NLRP7: variants seen among roughly 807,000 people sequenced by gnomAD.
The protein encoded by NLRP7 is NLR family pyrin domain containing 7.
NLRP7 carries 72 observed loss-of-function variants against 85.5 expected under a neutral mutation model. The observed-to-expected ratio is 0.84, with a 90% CI of 0.70 to 1.02. NLRP7 has a LOEUF of 1.02. Ranked by LOEUF, NLRP7 falls within the 50% of genes least tolerant of loss-of-function variation. NLRP7 has a pLI of 0.00. For missense variants in NLRP7, 1,243 were observed against 1,219.5 expected (o/e 1.02, Z -0.29); for synonymous variants, 550 against 505.2 (o/e 1.09, Z -1.19).
At chr19:54,937,971 A>G in intron 5 of NLRP7, 73 bp downstream of exon 5, 1 of 1,224,488 alleles carries the variant, frequency 8.2e-7, no homozygotes, top group Non-Finnish European at 1.2e-6. Flanking sequence ...CACATTTCCA[A>G]ATTTAAAAAA....
At chr19:54,957,633 C>T (rs2069902102) in intron 1 of NLRP7, among the ~76,000 whole-genome samples, 2 of 152,146 alleles carry the variant, frequency 1.3e-5, no homozygotes, top group African/African-American at 4.8e-5. Flanking sequence ...GCGTGAGCCA[C>T]TGCACCCTAC....
upstream of NLRP7, among the ~76,000 whole-genome samples, chr19:54,952,274 T>C (rs1339183485): frequency 2.0e-5 from 3 of 151,816 alleles, no homozygotes; most frequent in Non-Finnish European, 4.4e-5. Flanking sequence ...ATGGCCACAC[T>C]CTGGCCCACA....
chr19:54,954,625 A>T (rs927647783), intron 1 of NLRP7, among the ~76,000 whole-genome samples: 6 of 150,966 alleles, frequency 4.0e-5, no homozygotes, highest in African/African-American at 1.5e-4. Flanking sequence ...CGGGCATATC[A>T]CCTGAGCTCA....
chr19:54,934,554 C>A lies in NLRP7; in HGVS notation c.2406G>T (p.Leu802=), dbSNP rs777244411. 11 of 1,614,144 alleles carry A rather than the reference C, an allele frequency of 6.8e-6. No individual in the cohort carries two copies. The South Asian group carries it at 1.2e-4, about 18-fold the overall frequency. The stretch of plus-strand genomic sequence containing the variant: ...TGTACAGCAACATGGCACCCTCATC[C>A]AGGAGCACATTGGCTGAGAGACGCA... The change falls in exon 7 of 10, where the codon CTG becomes CTT. Residue 802 remains leucine (L), a synonymous_variant. Transcript: ENST00000340844. The surrounding 1 kb of genome is among the most constrained non-coding windows in gnomAD (Gnocchi z 6.7).
chr19:54,964,467 C>T (rs918463261), intron 1 of NLRP7, among the ~76,000 whole-genome samples: 105 of 149,394 alleles, frequency 7.0e-4, no homozygotes, highest in African/African-American at 1.8e-3. Context: ...CCACCTGCCT[C>T]GGCCTCCCAA....
chr19:54,938,376 T>C (rs1292339860), intron 4 of NLRP7, 135 bp from the exon 5 acceptor site: 2 of 725,586 alleles, frequency 2.8e-6, no homozygotes, highest in African/African-American at 1.7e-5. Flanking sequence ...GTAAACAATA[T>C]TGCATCACAT....
chr19:54,963,665 A>T (rs2070151015), intron 1 of NLRP7, among the ~76,000 whole-genome samples: 1 of 151,880 alleles, frequency 6.6e-6, no homozygotes, highest in Non-Finnish European at 1.5e-5. Flanking sequence ...CTCTACTAAA[A>T]ATAAGAAAAT....
At chr19:54,962,717 A>G (rs1340142433) in intron 1 of NLRP7, among the ~76,000 whole-genome samples, 2 of 151,214 alleles carry the variant, frequency 1.3e-5, no homozygotes, top group Admixed American at 6.6e-5. Flanking sequence ...CTCCTGCCTC[A>G]GCCTCCCGAG....
chr19:54,926,205 G>GGAGT (rs375777486), intron 9 of NLRP7, among the ~76,000 whole-genome samples: 1 of 143,642 alleles, frequency 7.0e-6, no homozygotes, highest in African/African-American at 2.5e-5. Context: ...AATGATTAGG[G>GGAGT]GTGTGTGTGT....
At chr19:54,954,964 G>A (rs145839463) in intron 1 of NLRP7, among the ~76,000 whole-genome samples, 195 of 152,116 alleles carry the variant, frequency 1.3e-3, no homozygotes, top group Non-Finnish European at 2.2e-3. Context: ...CCATAGTCTC[G>A]CCCTGAATTC....
chr19:54,964,477 A>G (rs942424273), intron 1 of NLRP7, among the ~76,000 whole-genome samples: 580 of 151,416 alleles, frequency 3.8e-3, no homozygotes, highest in Non-Finnish European at 5.5e-3. Context: ...CGGCCTCCCA[A>G]AGTGCTGGGA....
intron 8 of NLRP7, among the ~76,000 whole-genome samples, chr19:54,932,426 CA>C (rs71960636): frequency 0.016 from 2,231 of 140,768 alleles, 95 homozygotes; most frequent in East Asian, 0.12. Flanking sequence ...AGACTTCATC[CA>C]AAAAAAAAAA....
exon 4 of NLRP7, chr19:54,940,224 T>C (rs1209244646): frequency 2.5e-6 from 4 of 1,614,076 alleles, no homozygotes; most frequent in Non-Finnish European, 3.4e-6. Context: ...GGGCTGAGGT[T>C]GCAGTCTGTC....
chr19:54,939,864 C>T lies in NLRP7; in HGVS notation c.955G>A (p.Val319Ile), dbSNP rs775882. ...TCCTCCAGGAAGCCCTCCACCCTTA[C>T]GTAGATCGGCTGCTGCGCCAGGAGC... Residue 319 changes from valine (V) to isoleucine (I), a missense_variant, in exon 4 of 10, where the codon GTA (valine) becomes ATA (isoleucine). Coordinates refer to ENST00000340844, the Ensembl canonical transcript of NLRP7. The T allele has an allele frequency of 0.23, 373,661 of 1,613,596 alleles. 46,145 individuals carry two copies. Among genetic ancestry groups the T allele is most frequent in the African/African-American group, 0.47 (34,876 of 74,906 alleles).
intron 1 of NLRP7, among the ~76,000 whole-genome samples, chr19:54,946,055 T>C (rs1024080674): frequency 3.3e-5 from 5 of 151,956 alleles, no homozygotes; most frequent in African/African-American, 1.2e-4. Context: ...CCTCCCATAG[T>C]GCTGGGATTA....
chr19:54,928,408 A>G (rs575332730), intron 9 of NLRP7, among the ~76,000 whole-genome samples: 1 of 151,868 alleles, frequency 6.6e-6, no homozygotes, highest in Admixed American at 6.6e-5. Flanking sequence ...AAAACAAAAC[A>G]AAAAAACAAG....
chr19:54,926,934 A>T (rs1300018289), intron 9 of NLRP7, among the ~76,000 whole-genome samples: 1 of 149,510 alleles, frequency 6.7e-6, no homozygotes, highest in East Asian at 2.0e-4. Context: ...AAAAAAAAAA[A>T]AAAAAATTAG....
chr19:54,947,705 G>C, upstream of NLRP7: 1 of 1,198,720 alleles, frequency 8.3e-7, no homozygotes, highest in Non-Finnish European at 1.1e-6. Flanking sequence ...GTGGGCTTTG[G>C]AGAATTACGG....
At chr19:54,962,213 C>G (rs1471209546) in intron 1 of NLRP7, among the ~76,000 whole-genome samples, 1 of 149,194 alleles carries the variant, frequency 6.7e-6, no homozygotes, top group Admixed American at 6.8e-5. Context: ...AATGTGCAGT[C>G]TGAAAACTGC....
Sources: gnomAD v4.1 joint callset for allele counts (sites outside exome capture counted in the v4.1 genomes callset) on GRCh38, gnomAD v4.1.1 for gene constraint, Gnocchi (gnomAD v3.1) non-coding constraint, MANE v1.5 for transcripts, NCBI Gene and HGNC (gene_info 2026-07-23, HGNC 2026-07-21) for gene names.